The following FMN2 variants were observed in gnomAD, a reference collection of about 807,000 sequenced individuals.
FMN2 encodes formin-2.
A neutral mutation model predicts 142.3 loss-of-function variants in FMN2; 51 were observed. The observed-to-expected ratio is 0.36, with a 90% CI of 0.29 to 0.45. The LOEUF (loss-of-function observed/expected upper bound fraction) is 0.45. Among genes scored for constraint, FMN2 ranks in the 20% least tolerant of loss-of-function variants. The pLI, the probability that FMN2 is intolerant of heterozygous loss-of-function variation, is 1.00. For synonymous variants in FMN2, 882 were observed against 869.8 expected, an observed-to-expected ratio of 1.01 and a Z score of -0.25; for missense variants, 1,936 against 2,122.8, an observed-to-expected ratio of 0.91 and a Z score of 1.73.
chr1:240,242,913 C>T (rs762300402), intron 6 of FMN2, among the ~76,000 whole-genome samples: 15 of 152,038 alleles, frequency 9.9e-5, no homozygotes, highest in Non-Finnish European at 1.6e-4. Flanking sequence ...TCTAGGCTGC[C>T]CGAGTAAAGA....
At chr1:240,122,908 G>C (rs1157961972) in intron 1 of FMN2, among the ~76,000 whole-genome samples, 2 of 152,166 alleles carry the variant, frequency 1.3e-5, no homozygotes, top group African/African-American at 4.8e-5. Context: ...TTAGATGGAA[G>C]CTGTATAGCC....
intron 8 of FMN2, among the ~76,000 whole-genome samples, chr1:240,328,168 A>AAAAAAAAAAG (rs1553363688): frequency 7.4e-6 from 1 of 135,870 alleles, no homozygotes; most frequent in African/African-American, 2.8e-5. Flanking sequence ...AAAAAAAAAA[A>AAAAAAAAAAG]AAAAGAAAAA....
chr1:240,278,500 G>T (rs1463225023), intron 7 of FMN2, among the ~76,000 whole-genome samples: 1 of 152,160 alleles, frequency 6.6e-6, no homozygotes, highest in East Asian at 1.9e-4. Flanking sequence ...CTTTGTGGTA[G>T]CCTGGCAGGT....
chr1:240,385,995 C>A lies in FMN2; in HGVS notation c.4859-6516C>A, dbSNP rs149148091. On this transcript the variant is annotated intron_variant, in intron 14 of 17. Transcript: ENST00000319653. ...ATTTTATGCCTCAAATGCTCTCTTT[C>A]TTCCTCCTAGGAGTATTCCACAACA... Among the ~76,000 whole-genome samples the A allele has an allele frequency of 1.4e-4, 21 of 152,302 alleles. No individual in the cohort carries two copies. The East Asian group carries it at 3.9e-3, about 28-fold the overall frequency.
At chr1:240,361,604 C>T (rs935891181) in intron 14 of FMN2, among the ~76,000 whole-genome samples, 2 of 152,116 alleles carry the variant, frequency 1.3e-5, no homozygotes, top group Non-Finnish European at 2.9e-5. Flanking sequence ...GTTTGAGTAT[C>T]TGGGTGAGTG....
intron 6 of FMN2, among the ~76,000 whole-genome samples, chr1:240,252,230 C>A (rs1284759851): frequency 6.6e-6 from 1 of 152,066 alleles, no homozygotes; most frequent in Non-Finnish European, 1.5e-5. Context: ...TTTCTGATTG[C>A]TTTGTATATC....
chr1:240,333,612 A>G (rs1026496355), intron 11 of FMN2, among the ~76,000 whole-genome samples: 5 of 152,154 alleles, frequency 3.3e-5, no homozygotes, highest in Non-Finnish European at 5.9e-5. Context: ...CATGAGCTAA[A>G]TTTCTAATTG....
intron 2 of FMN2, among the ~76,000 whole-genome samples, chr1:240,148,552 G>A (rs1203584890): frequency 6.6e-6 from 1 of 152,110 alleles, no homozygotes; most frequent in Non-Finnish European, 1.5e-5. Flanking sequence ...TCCAATTGGG[G>A]TTAACAGAAT....
rs189857982 is a variant in FMN2 at position 240,388,410 on chromosome 1, A to T, written c.4859-4101A>T. On this transcript the variant is annotated intron_variant, in intron 14 of 17. Coordinates refer to ENST00000319653, the MANE Select transcript of FMN2 (RefSeq NM_020066.5). ...ACCCAGGTTTGCCTGACTAAAGCTC[A>T]TGTTCTAGCTCCCAACACTGGACCT... 1.6e-3 allele frequency among the ~76,000 whole-genome samples: 244 copies of T among 152,204 alleles called. 1 individual carries two copies. Among genetic ancestry groups the T allele is most frequent in the African/African-American group, 5.2e-3 (216 of 41,534 alleles).
intron 15 of FMN2, among the ~76,000 whole-genome samples, chr1:240,413,080 G>A (rs569853222): frequency 5.8e-5 from 7 of 120,318 alleles, no homozygotes; most frequent in Non-Finnish European, 1.6e-5. Flanking sequence ...CCGAGATGGT[G>A]CCACTGCACT....
chr1:240,343,200 A>G (rs935363623), intron 13 of FMN2, among the ~76,000 whole-genome samples: 7 of 152,198 alleles, frequency 4.6e-5, no homozygotes, highest in Admixed American at 1.3e-4. Context: ...AAAGCCTCCC[A>G]GCCAGTAATT....
intron 15 of FMN2, among the ~76,000 whole-genome samples, chr1:240,393,825 A>G (rs1022673037): frequency 3.9e-5 from 6 of 152,208 alleles, no homozygotes; most frequent in Non-Finnish European, 8.8e-5. Context: ...TAGAAGATCA[A>G]ACCAGCCACA....
Position 240,334,133 on chromosome 1 carries a change from T to C in FMN2, c.4669T>C (p.Phe1557Leu). ...DEDAGKEQCLFPLPEPQDLFQ... is the reference protein window; with the variant it reads ...DEDAGKEQCLLPLPEPQDLFQ... The stretch of plus-strand genomic sequence containing the variant: ...GGATGCTGGAAAAGAACAGTGCCTC[T>C]TTCCACTGCCAGAACCCCAGGACCT... Residue 1557 changes from phenylalanine (F) to leucine (L), a missense_variant, in exon 13 of 18, where the codon TTT becomes CTT. Physicochemically the swap from Phe to Leu is conservative, Grantham distance 22. This residue lies in a region of FMN2 where 322 missense variants were observed against 401.6 expected (regional missense o/e 0.80). Transcript: ENST00000319653. 2 of 1,603,450 alleles carry C rather than the reference T, an allele frequency of 1.2e-6. No individual in the cohort carries two copies. Among genetic ancestry groups the C allele is most frequent in the Non-Finnish European group, 1.7e-6 (2 of 1,177,330 alleles).
At chr1:240,188,293 C>T in intron 4 of FMN2, 31 bp downstream of exon 4, 1 of 1,603,446 alleles carries the variant, frequency 6.2e-7, no homozygotes, top group Middle Eastern at 1.7e-4. Flanking sequence ...TGTCAGATTC[C>T]CATCTGTCTT....
intron 4 of FMN2, among the ~76,000 whole-genome samples, chr1:240,194,179 AT>A (rs1665825854): frequency 6.6e-6 from 1 of 151,862 alleles, no homozygotes; most frequent in African/African-American, 2.4e-5. Context: ...TCTAAACTTG[AT>A]TTTGTTCTAG....
chr1:240,120,126 C>T (rs1265641172), intron 1 of FMN2, among the ~76,000 whole-genome samples: 1 of 152,184 alleles, frequency 6.6e-6, no homozygotes, highest in African/African-American at 2.4e-5. Flanking sequence ...TGCTTTGTCA[C>T]TCGAAATATC....
chr1:240,369,603 G>T (rs893432782), intron 14 of FMN2, among the ~76,000 whole-genome samples: 3 of 152,098 alleles, frequency 2.0e-5, no homozygotes, highest in African/African-American at 7.2e-5. Context: ...TATCAAGCCT[G>T]TTTTTTAGCA....
intron 6 of FMN2, among the ~76,000 whole-genome samples, chr1:240,253,833 G>A (rs1323833597): frequency 1.3e-5 from 2 of 152,166 alleles, no homozygotes; most frequent in Non-Finnish European, 2.9e-5. Context: ...ATACAGCAGT[G>A]TAGTCTCTGT....
chr1:240,458,085 T>C (rs1160139796), intron 16 of FMN2: 2 of 152,102 alleles, frequency 1.3e-5, no homozygotes, highest in Non-Finnish European at 1.5e-5. Flanking sequence ...TCTTGAGGCA[T>C]TGGTATATGT....
Sources: gnomAD v4.1 joint callset for allele counts (sites outside exome capture counted in the v4.1 genomes callset) on GRCh38, gnomAD v4.1.1 for gene constraint, gnomAD v4.1.1 regional missense constraint, MANE v1.5 for transcripts, NCBI Gene and HGNC (gene_info 2026-07-23, HGNC 2026-07-21) for gene names.